The following MED17 variants were observed in gnomAD, a reference collection of about 807,000 sequenced individuals.
The protein encoded by MED17 is mediator of RNA polymerase II transcription subunit 17.
MED17 carries 49 observed loss-of-function variants against 80.8 expected under a neutral mutation model. The observed-to-expected ratio is 0.61, with a 90% CI of 0.48 to 0.77. The LOEUF (loss-of-function observed/expected upper bound fraction) is 0.77, where lower values mean the gene tolerates loss of function less well. Ranked by LOEUF, MED17 falls within the 30% of genes least tolerant of loss-of-function variation. The pLI, the probability that MED17 is intolerant of heterozygous loss-of-function variation, is 0.00. For synonymous variants in MED17, 281 were observed against 280.4 expected (o/e 1.00, Z -0.02); for missense variants, 718 against 787.0 (o/e 0.91, Z 1.05).
chr11:93,788,084 C>T lies in MED17; in HGVS notation c.334C>T (p.Leu112Phe), dbSNP rs767110099. 3 of 1,613,454 alleles carry T rather than the reference C, an allele frequency of 1.9e-6. No individual in the cohort carries two copies. Among genetic ancestry groups the T allele is most frequent in the African/African-American group, 1.3e-5 (1 of 74,856 alleles). ...LRSALTEMCV[L>F]YDVLSIVRDK... Reference sequence around the variant, plus strand: ...AAGTGCCCTGACAGAGATGTGTGTTCTCTATGATGTTCTCAGTATTGTTAG... The same window carrying T: ...AAGTGCCCTGACAGAGATGTGTGTTTTCTATGATGTTCTCAGTATTGTTAG... The change falls in exon 2 of 12, where the codon CTC (leucine) becomes TTC (phenylalanine). Residue 112 changes from leucine (L) to phenylalanine (F), a missense_variant. Leu to Phe is a conservative substitution (Grantham distance 22). Coordinates refer to ENST00000251871, the MANE Select transcript of MED17 (RefSeq NM_004268.5).
chr11:93,796,972 G>C, intron 7 of MED17: 1 of 235,126 alleles, frequency 4.3e-6, no homozygotes, highest in Non-Finnish European at 8.4e-6. Flanking sequence ...AAATTTCATA[G>C]AATTATATAT....
chr11:93,800,726 T>G (rs924247335), intron 8 of MED17: 1 of 152,118 alleles, frequency 6.6e-6, no homozygotes, highest in Non-Finnish European at 1.5e-5. Flanking sequence ...AACCTGGAAC[T>G]GCTGGGTTCA....
At chr11:93,797,467 GT>G in intron 7 of MED17, 67 bp from the exon 8 acceptor site, 2 of 1,432,440 alleles carry the variant, frequency 1.4e-6, no homozygotes, top group Non-Finnish European at 2.0e-6. Context: ...TGTCAACCAT[GT>G]TTTGACTAAA....
Position 93,812,269 on chromosome 11 carries a change from A to G in MED17, c.*205A>G, listed in dbSNP as rs1944092281. On this transcript the variant is annotated 3_prime_UTR_variant, in exon 12 of 12. Coordinates refer to ENST00000251871, the MANE Select transcript of MED17 (RefSeq NM_004268.5). Reference sequence around the variant, plus strand: ...AATGCAGAAGTTTATGTACAGTTGTATATACAGTATGACAAGATGTAAAAT... The same window carrying G: ...AATGCAGAAGTTTATGTACAGTTGTGTATACAGTATGACAAGATGTAAAAT... 4.9e-6 allele frequency: 3 copies of G among 611,982 alleles called. No individual in the cohort carries two copies. The Admixed American group carries it at 8.8e-5, about 18-fold the overall frequency. 37.9% of individuals were successfully genotyped at this position (611,982 alleles called of 1,614,324 possible).
At chr11:93,796,214 A>T in intron 6 of MED17, 196 bp from the exon 7 acceptor site, 2 of 549,954 alleles carry the variant, frequency 3.6e-6, no homozygotes, top group South Asian at 2.0e-5. Context: ...GCCTCCCAAC[A>T]TGCTGGGATT....
intron 6 of MED17, chr11:93,795,301 T>C: frequency 1.8e-6 from 1 of 555,684 alleles, no homozygotes; most frequent in South Asian, 2.2e-5. Flanking sequence ...ATGTAGTCAT[T>C]ATTGTGGTCA....
rs1328063884 is a variant in MED17, at chr11:93,801,946, A to T, written c.1440A>T (p.Thr480=). ...VYESSVKVLI[T]SQGYEQICKS... is the part of the protein sequence containing the mutation. ...AATCTAGTGTGAAAGTTTTAATCACATCACAAGGCTATGAACAAATATGCA... is the reference window on the plus strand; with the variant it reads ...AATCTAGTGTGAAAGTTTTAATCACTTCACAAGGCTATGAACAAATATGCA... Residue 480 remains threonine (T), a synonymous_variant, in exon 9 of 12, where the codon ACA becomes ACT. Coordinates refer to ENST00000251871, the MANE Select transcript of MED17 (RefSeq NM_004268.5). The T allele has an allele frequency of 1.2e-6, 2 of 1,612,660 alleles. No homozygotes were observed. The highest frequency in any genetic ancestry group is 1.7e-6 in the Non-Finnish European group (2 of 1,179,720).
In MED17 at chr11:93,797,788, A is replaced by G. The variant is rs1481059520; in HGVS notation, c.1328+69A>G. 3.5e-6 allele frequency: 5 copies of G among 1,423,892 alleles called. No homozygotes were observed. The East Asian group carries it at 6.9e-5, about 20-fold the overall frequency. The allele number at this position is 1,423,892 out of a possible 1,614,324, so 88.2% of individuals were successfully genotyped here. Reference sequence around the variant, plus strand: ...TTGCAGTGTTTTCTTCTGTTATTTCATAACACTTTTTTGGGATGCTTTTGA... The same window carrying G: ...TTGCAGTGTTTTCTTCTGTTATTTCGTAACACTTTTTTGGGATGCTTTTGA... On this transcript the variant is annotated intron_variant, in intron 8 of 11. Coordinates refer to ENST00000251871, the MANE Select transcript of MED17 (RefSeq NM_004268.5).
intron 8 of MED17, chr11:93,800,854 T>G (rs1415127391): frequency 2.6e-5 from 4 of 152,100 alleles, no homozygotes; most frequent in African/African-American, 9.7e-5. Context: ...TCAGGTTTGT[T>G]TTGAACTCCT....
At chr11:93,809,534 C>T (rs1944064148) in intron 10 of MED17, 183 bp from the exon 11 acceptor site, 2 of 652,378 alleles carry the variant, frequency 3.1e-6, no homozygotes, top group African/African-American at 1.8e-5. Context: ...TTAGCTTTGG[C>T]AGTGGAAGGT....
intron 9 of MED17, among the ~76,000 whole-genome samples, chr11:93,805,062 C>T (rs1944010200): frequency 1.3e-5 from 2 of 152,158 alleles, no homozygotes; most frequent in Admixed American, 6.5e-5. Context: ...AGACAAGACA[C>T]ATAATGAATA....
intron 9 of MED17, among the ~76,000 whole-genome samples, chr11:93,804,641 T>C (rs1944005402): frequency 6.6e-6 from 1 of 152,224 alleles, no homozygotes; most frequent in Non-Finnish European, 1.5e-5. Flanking sequence ...TATGTAACCC[T>C]ACCTGTCTTA....
intron 8 of MED17, among the ~76,000 whole-genome samples, chr11:93,798,100 CT>C (rs1418077930): frequency 5.3e-5 from 8 of 152,084 alleles, no homozygotes; most frequent in Admixed American, 5.2e-4. Context: ...GGGCACTTTC[CT>C]TATGTTAACT....
Position 93,793,994 on chromosome 11 carries a change from C to A in MED17, c.818C>A (p.Thr273Lys). 6.2e-7 allele frequency: 1 copy of A among 1,614,028 alleles called. No individual in the cohort carries two copies. The change falls in exon 5 of 12, where the codon ACA becomes AAA. Residue 273 changes from threonine (T) to lysine (K), a missense_variant. Thr to Lys is a moderately conservative substitution (Grantham distance 78). Transcript: ENST00000251871. ...KQAPDIGDLG[T>K]VNLFKRPLPK... ...GCTCCAGATATAGGTGACCTCGGCA[C>A]AGTTAACCTCTTCAAACGACCTTTG...
chr11:93,803,994 T>C (rs1591389271), intron 9 of MED17, among the ~76,000 whole-genome samples: 1 of 2,240 alleles, frequency 4.5e-4, no homozygotes, highest in African/African-American at 6.1e-4. Flanking sequence ...TGTATATATG[T>C]GTGTGTATAT....
At chr11:93,806,364 T>G (rs1482340154) in intron 9 of MED17, 1 of 152,192 alleles carries the variant, frequency 6.6e-6, no homozygotes, top group Admixed American at 6.5e-5. Context: ...GGAAGAGCCA[T>G]TATTAAATGT....
chr11:93,790,912 GC>G, intron 3 of MED17, 119 bp downstream of exon 3: 1 of 895,362 alleles, frequency 1.1e-6, no homozygotes, highest in Non-Finnish European at 1.8e-6. Context: ...TTCAAGATGA[GC>G]CCAGGCAACA....
intron 5 of MED17, 85 bp downstream of exon 5, chr11:93,794,120 AAATAG>A (rs1164839277): frequency 5.4e-6 from 6 of 1,109,172 alleles, no homozygotes; most frequent in African/African-American, 3.1e-5. Flanking sequence ...AGGTAGGAAA[AAATAG>A]ATAGTTTGAA....
chr11:93,788,216 A>G, intron 2 of MED17, 49 bp downstream of exon 2: 3 of 1,525,302 alleles, frequency 2.0e-6, no homozygotes, highest in Non-Finnish European at 2.7e-6. Context: ...ATTAAATCCC[A>G]GGACCCTTTT....
Sources: gnomAD v4.1 joint callset for allele counts (sites outside exome capture counted in the v4.1 genomes callset) on GRCh38, gnomAD v4.1.1 for gene constraint, MANE v1.5 for transcripts, NCBI Gene and HGNC (gene_info 2026-07-23, HGNC 2026-07-21) for gene names.